The following TAF4 variants were observed in gnomAD, a reference collection of about 807,000 sequenced individuals.
TAF4 encodes transcription initiation factor TFIID subunit 4.
TAF4 carries 9 observed loss-of-function variants against 90.3 expected under a neutral mutation model. That is an observed-to-expected ratio of 0.10 (90% CI 0.06 to 0.17). The LOEUF (loss-of-function observed/expected upper bound fraction) is 0.17. Ranked by LOEUF, TAF4 falls within the 10% of genes least tolerant of loss-of-function variation. The pLI is 1.00. For synonymous variants in TAF4, 818 were observed against 638.9 expected (o/e 1.28, Z -4.23); for missense variants, 1,351 against 1,370.7 (o/e 0.99, Z 0.23).
chr20:62,001,766 G>A (rs977081293), intron 9 of TAF4, among the ~76,000 whole-genome samples: 1 of 152,162 alleles, frequency 6.6e-6, no homozygotes, highest in Non-Finnish European at 1.5e-5. Context: ...CCACGTCCAC[G>A]TCATGCCCAT....
intron 1 of TAF4, among the ~76,000 whole-genome samples, chr20:62,029,492 A>ACG (rs1413746740): frequency 6.6e-6 from 1 of 151,894 alleles, no homozygotes; most frequent in Non-Finnish European, 1.5e-5. Flanking sequence ...GCGCGCACAC[A>ACG]CACACACACA....
rs781754079 is a variant in TAF4, at chr20:62,065,115, G to A, written c.696C>T (p.Ala232=). Residue 232 remains alanine (A), a synonymous_variant, in exon 1 of 15, where the codon GCC becomes GCT. Transcript: ENST00000252996. The part of the protein sequence containing the change: ...PAALLPLPKP[A]APGTVIQTPP... ...GCGTCTGGATGACAGTGCCGGGGGC[G>A]GCGGGCTTGGGCAGCGGCAGCAGCG... The A allele has an allele frequency of 8.9e-7, 1 of 1,129,154 alleles. No homozygotes were observed. Among genetic ancestry groups the A allele is most frequent in the Non-Finnish European group, 1.1e-6 (1 of 904,968 alleles). The allele number at this position is 1,129,154 out of a possible 1,614,324, so 69.9% of individuals were successfully genotyped here.
chr20:62,030,898 G>A (rs764133715), intron 1 of TAF4, among the ~76,000 whole-genome samples: 4 of 152,106 alleles, frequency 2.6e-5, no homozygotes, highest in East Asian at 1.9e-4. Flanking sequence ...TCCACAATAC[G>A]ATGGCCTCCT....
At chr20:61,978,910 T>TA (rs1261030826) in intron 14 of TAF4, 3 of 153,370 alleles carry the variant, frequency 2.0e-5, no homozygotes, top group African/African-American at 7.2e-5. Flanking sequence ...TCTTAAATCT[T>TA]AAAAGAAAAA....
chr20:62,018,535 G>C (rs1261105170), intron 1 of TAF4, among the ~76,000 whole-genome samples: 1 of 152,164 alleles, frequency 6.6e-6, no homozygotes, highest in Non-Finnish European at 1.5e-5. Flanking sequence ...CTCTGCACTT[G>C]CAGCAGGGTA....
intron 14 of TAF4, among the ~76,000 whole-genome samples, chr20:61,986,355 T>C (rs62207110): frequency 0.038 from 853 of 22,500 alleles, 5 homozygotes; most frequent in East Asian, 0.1. Context: ...CCATCCCCAA[T>C]CAAAGGAAAC....
intron 1 of TAF4, among the ~76,000 whole-genome samples, chr20:62,030,792 G>A (rs6142927): frequency 0.24 from 36,083 of 152,118 alleles, 5,302 homozygotes; most frequent in South Asian, 0.4. Flanking sequence ...AGGTGACCAC[G>A]AAAGCAACAC....
intron 2 of TAF4, 75 bp from the exon 3 acceptor site, chr20:62,013,009 T>C (rs1600843499): frequency 6.3e-7 from 1 of 1,577,698 alleles, no homozygotes; most frequent in Non-Finnish European, 8.6e-7. Flanking sequence ...CAGAAATTAT[T>C]CCTTCCATAT....
At chr20:62,004,594 C>A in intron 7 of TAF4, 1 of 152,246 alleles carries the variant, frequency 6.6e-6, no homozygotes, top group Non-Finnish European at 1.5e-5. Flanking sequence ...TCCCAAAGTG[C>A]TGAATTACAG....
chr20:61,998,485 A>G (rs76582593), intron 12 of TAF4, among the ~76,000 whole-genome samples: 1 of 152,322 alleles, frequency 6.6e-6, no homozygotes, highest in South Asian at 2.1e-4. Flanking sequence ...GGCAGGCAGA[A>G]TGGGCCTCAT....
chr20:61,982,922 A>G (rs1600825261), intron 14 of TAF4, among the ~76,000 whole-genome samples: 1 of 152,170 alleles, frequency 6.6e-6, no homozygotes, highest in African/African-American at 2.4e-5. Context: ...CAAGAACAGA[A>G]AAGACTTCTG....
Position 62,003,144 on chromosome 20 carries a change from C to A in TAF4, c.2486+16G>T. On this transcript the variant is annotated intron_variant, in intron 9 of 14. Coordinates refer to ENST00000252996, the MANE Select transcript of TAF4 (RefSeq NM_003185.4). ...TCTGGCCACGCTTCTCCAACGTACACAGGCCCATTCCTTACCGAAACGAAC... is the reference window on the plus strand; with the variant it reads ...TCTGGCCACGCTTCTCCAACGTACAAAGGCCCATTCCTTACCGAAACGAAC... 2 of 1,605,624 alleles carry A rather than the reference C, an allele frequency of 1.2e-6. No homozygotes were observed. Among genetic ancestry groups the A allele is most frequent in the Non-Finnish European group, 1.7e-6 (2 of 1,172,280 alleles).
At chr20:62,021,998 A>C (rs59880558) in intron 1 of TAF4, among the ~76,000 whole-genome samples, 3,112 of 152,226 alleles carry the variant, frequency 0.02, 101 homozygotes, top group African/African-American at 0.07. Flanking sequence ...CCAGCGGCGG[A>C]CAGCATCAGA....
rs1230877255 is a variant in TAF4, at chr20:61,975,149, T to C, written c.*1019A>G. 1 of 152,390 alleles carries C rather than the reference T, an allele frequency of 6.6e-6. No individual in the cohort carries two copies. Among genetic ancestry groups the C allele is most frequent in the East Asian group, 1.9e-4 (1 of 5,186 alleles). The allele number at this position is 152,390 out of a possible 1,614,324, so 9.4% of individuals were successfully genotyped here. On this transcript the variant is annotated 3_prime_UTR_variant, in exon 15 of 15. Transcript: ENST00000252996. ...TCTGAAAATAGAAAGAACCAATTAG[T>C]ATATTTGTAATAAAAAAATAGGTAC... is the stretch of plus-strand genomic sequence containing the variant.
intron 1 of TAF4, among the ~76,000 whole-genome samples, chr20:62,034,827 C>CTTCTCTTTTTTTTTTT (rs1555877005): frequency 2.1e-5 from 3 of 141,808 alleles, no homozygotes; most frequent in African/African-American, 7.8e-5. Context: ...TCATAGATTT[C>CTTCTCTTTTTTTTTTT]TTTTTTTTTT....
At chr20:61,999,924 G>C (rs2055688285) in intron 11 of TAF4, among the ~76,000 whole-genome samples, 200 bp downstream of exon 11, 1 of 152,184 alleles carries the variant, frequency 6.6e-6, no homozygotes, top group Non-Finnish European at 1.5e-5. Context: ...ACTCCAGCCT[G>C]GGCAACAGAG....
At chr20:61,980,056 A>G (rs2123091090) in intron 14 of TAF4, 1 of 152,568 alleles carries the variant, frequency 6.6e-6, no homozygotes, top group South Asian at 2.1e-4. Flanking sequence ...TGGGATTAGA[A>G]AACAAGCAAG....
chr20:61,983,780 T>C (rs557821234), intron 14 of TAF4, among the ~76,000 whole-genome samples: 1 of 152,232 alleles, frequency 6.6e-6, no homozygotes, highest in African/African-American at 2.4e-5. Context: ...GAGAAAGATT[T>C]TCAATTCAGC....
chr20:62,040,594 G>A (rs920955756), intron 1 of TAF4, among the ~76,000 whole-genome samples: 12 of 152,236 alleles, frequency 7.9e-5, no homozygotes, highest in African/African-American at 2.9e-4. Flanking sequence ...GCTCTGCCAC[G>A]CGCCAACTAC....
Sources: gnomAD v4.1 joint callset for allele counts (sites outside exome capture counted in the v4.1 genomes callset) on GRCh38, gnomAD v4.1.1 for gene constraint, MANE v1.5 for transcripts, NCBI Gene and HGNC (gene_info 2026-07-23, HGNC 2026-07-21) for gene names.